The following FANCA variants were observed in gnomAD, a reference collection of about 807,000 sequenced individuals.
FANCA encodes FA complementation group A.
Under a neutral mutation model 194.3 loss-of-function variants are expected in FANCA, and 236 were observed. That is an observed-to-expected ratio of 1.21 (90% CI 1.09 to 1.35). The LOEUF (loss-of-function observed/expected upper bound fraction) is 1.35, where lower values mean the gene tolerates loss of function less well. Among genes scored for constraint, FANCA ranks in the 40% most tolerant of loss-of-function variants. FANCA has a pLI of 0.00. For synonymous variants in FANCA, 1,014 were observed against 715.8 expected (o/e 1.42, Z -6.65); for missense variants, 2,628 against 1,813.9 (o/e 1.45, Z -8.15).
chr16:89,755,653 AATATTTACAAATC>A (rs965916994), intron 30 of FANCA, among the ~76,000 whole-genome samples: 88 of 152,380 alleles, frequency 5.8e-4, no homozygotes, highest in African/African-American at 2.0e-3. Context: ...AATGGGAAAA[AATATTTACAAATC>A]ATATATTTGA....
At chr16:89,803,495 G>C (rs1243434081) in intron 7 of FANCA, among the ~76,000 whole-genome samples, 154 bp from the exon 8 acceptor site, 1 of 152,144 alleles carries the variant, frequency 6.6e-6, no homozygotes, top group Non-Finnish European at 1.5e-5. Flanking sequence ...GAACGCTGCA[G>C]AAGTTACTGC....
chr16:89,784,368 CA>C (rs58907559), intron 15 of FANCA, among the ~76,000 whole-genome samples: 51,439 of 103,676 alleles, frequency 0.5, 11,361 homozygotes, highest in East Asian at 0.75. Context: ...GAGACTGTCT[CA>C]AAAAAAAAAA....
chr16:89,805,540 C>T, intron 6 of FANCA, 148 bp from the exon 7 acceptor site: 1 of 655,300 alleles, frequency 1.5e-6, no homozygotes, highest in Non-Finnish European at 2.8e-6. Flanking sequence ...GTCACTGCAC[C>T]CTCGACCTCC....
In FANCA at chr16:89,772,770, G is replaced by A. The variant is rs2039367347; in HGVS notation, c.2014+501C>T. 2.0e-5 allele frequency among the ~76,000 whole-genome samples: 3 copies of A among 151,508 alleles called. No homozygotes were observed. The South Asian group carries it at 6.2e-4, about 31-fold the overall frequency. On this transcript the variant is annotated intron_variant, in intron 22 of 42. Transcript: ENST00000389301. ...GGAGGCGGAGGTTGCAGTGAGCCGA[G>A]ATGGCGCCACTGCACTCCAGCCTGG...
rs185769498 is a variant in FANCA, at chr16:89,788,957, G to C, written c.1359+2446C>G. On this transcript the variant is annotated intron_variant, in intron 14 of 42. Transcript: ENST00000389301. ...ACACCACCACCAACACAGCACTTCA[G>C]AGTATTCCTCTCCCAACTGTCGCCT... 9.9e-5 allele frequency among the ~76,000 whole-genome samples: 15 copies of C among 152,178 alleles called. No individual in the cohort carries two copies. The East Asian group carries it at 2.9e-3, about 29-fold the overall frequency.
intron 11 of FANCA, among the ~76,000 whole-genome samples, chr16:89,794,427 G>A (rs2040175277): frequency 1.3e-5 from 2 of 151,096 alleles, no homozygotes; most frequent in African/African-American, 4.9e-5. Context: ...GCAGGCGCCT[G>A]TAATTCAAGC....
At position 89,739,228 on chromosome 16, in the gene FANCA, C is replaced by G; in HGVS notation, c.4072G>C (p.Val1358Leu). Residue 1358 changes from valine to leucine, a missense_variant, in exon 41 of 43, where the codon GTG becomes CTG. Transcript: ENST00000389301. ...IREEAFLHVAVDMYLKLVQLF... is the reference protein window; with the variant it reads ...IREEAFLHVALDMYLKLVQLF... Reference sequence around the variant, plus strand: ...TGGACCAGCTTCAAGTACATGTCCACAGCAACATGCAGGAAGGCCTCTTCC... The same window carrying G: ...TGGACCAGCTTCAAGTACATGTCCAGAGCAACATGCAGGAAGGCCTCTTCC... 6.2e-7 allele frequency: 1 copy of G among 1,614,180 alleles called. No homozygotes were observed. The highest frequency in any genetic ancestry group is 8.5e-7 in the Non-Finnish European group (1 of 1,180,038).
At chr16:89,772,546 G>A (rs550888698) in intron 22 of FANCA, among the ~76,000 whole-genome samples, 83 of 151,416 alleles carry the variant, frequency 5.5e-4, no homozygotes, top group Non-Finnish European at 2.8e-4. Flanking sequence ...GGCCAGGCAC[G>A]GTGGCTCACA....
At chr16:89,763,954 A>G (rs1356236650) in intron 28 of FANCA, among the ~76,000 whole-genome samples, 1 of 147,224 alleles carries the variant, frequency 6.8e-6, no homozygotes, top group Non-Finnish European at 1.5e-5. Context: ...ACAACAAAAA[A>G]CAAGTTCTCG....
chr16:89,745,205 A>G, intron 35 of FANCA, 134 bp from the exon 36 acceptor site: 3 of 814,148 alleles, frequency 3.7e-6, no homozygotes, highest in Non-Finnish European at 6.1e-6. Flanking sequence ...TGGAACTCCA[A>G]AGCCAGTATT....
intron 20 of FANCA, among the ~76,000 whole-genome samples, chr16:89,778,160 T>TAAA (rs1483796956): frequency 6.9e-4 from 31 of 45,020 alleles, no homozygotes; most frequent in East Asian, 2.8e-3. Context: ...AGACTTCATC[T>TAAA]CAAAAAAAAA....
intron 11 of FANCA, among the ~76,000 whole-genome samples, chr16:89,794,954 G>C (rs879571216): frequency 1.3e-5 from 2 of 152,162 alleles, no homozygotes; most frequent in Non-Finnish European, 2.9e-5. Flanking sequence ...AGGTATTCCA[G>C]AAGGAGAATG....
chr16:89,740,138 C>G (rs779242247), intron 38 of FANCA, 39 bp from the exon 39 acceptor site: 2 of 1,531,898 alleles, frequency 1.3e-6, no homozygotes, highest in Non-Finnish European at 1.8e-6. Context: ...AATGGCCGAC[C>G]TGGTGCTCCC....
intron 26 of FANCA, among the ~76,000 whole-genome samples, chr16:89,767,823 C>T (rs551807953): frequency 1.4e-4 from 21 of 152,288 alleles, no homozygotes; most frequent in African/African-American, 3.6e-4. Context: ...GCTGGGCTTA[C>T]AGGCATGAGT....
chr16:89,750,086 G>T (rs1425005362), intron 31 of FANCA, among the ~76,000 whole-genome samples, 184 bp from the exon 32 acceptor site: 1 of 152,230 alleles, frequency 6.6e-6, no homozygotes, highest in African/African-American at 2.4e-5. Context: ...GTGCAGGCCG[G>T]GTGCTGTGGC....
At chr16:89,790,726 G>C (rs1379624159) in intron 14 of FANCA, among the ~76,000 whole-genome samples, 2 of 149,864 alleles carry the variant, frequency 1.3e-5, no homozygotes, top group Non-Finnish European at 3.0e-5. Flanking sequence ...GGCGACAGAG[G>C]AAGACTCCAT....
chr16:89,744,676 T>TG (rs397955464), intron 36 of FANCA: 1 of 435,930 alleles, frequency 2.3e-6, no homozygotes, highest in Non-Finnish European at 4.2e-6. Context: ...TTTTTTTTTT[T>TG]GTTTTTTTTC....
chr16:89,809,367 G>A (rs1048261849), intron 5 of FANCA, among the ~76,000 whole-genome samples: 2 of 152,058 alleles, frequency 1.3e-5, no homozygotes, highest in Admixed American at 6.6e-5. Flanking sequence ...ATGAGGGCAG[G>A]GACCAAAGCA....
At chr16:89,759,349 A>AAAAAAAAAAAAG (rs1386463570) in intron 29 of FANCA, among the ~76,000 whole-genome samples, 3 of 139,460 alleles carry the variant, frequency 2.2e-5, no homozygotes, top group Non-Finnish European at 4.7e-5. Context: ...AAAAAAAAAA[A>AAAAAAAAAAAAG]GTAGCCTGGA....
Sources: gnomAD v4.1 joint callset for allele counts (sites outside exome capture counted in the v4.1 genomes callset) on GRCh38, gnomAD v4.1.1 for gene constraint, MANE v1.5 for transcripts, NCBI Gene and HGNC (gene_info 2026-07-23, HGNC 2026-07-21) for gene names.